The following MEGF9 variants were observed in gnomAD, a reference collection of about 807,000 sequenced individuals.
MEGF9 encodes multiple epidermal growth factor-like domains protein 9.
MEGF9 carries 6 observed loss-of-function variants against 46.8 expected under a neutral mutation model. The observed-to-expected ratio is 0.13, with a 90% CI of 0.07 to 0.25. MEGF9 has a LOEUF of 0.25. Among genes scored for constraint, MEGF9 ranks in the 10% least tolerant of loss-of-function variants. The pLI is 1.00. For synonymous variants in MEGF9, 302 were observed against 330.7 expected, an observed-to-expected ratio of 0.91 and a Z score of 0.94; for missense variants, 683 against 792.4, an observed-to-expected ratio of 0.86 and a Z score of 1.66.
chr9:120,637,830 T>A (rs562451776), intron 2 of MEGF9, among the ~76,000 whole-genome samples: 62 of 147,980 alleles, frequency 4.2e-4, no homozygotes, highest in Non-Finnish European at 1.0e-4. Context: ...ACTACATTAT[T>A]TGATAGTTTC....
intron 2 of MEGF9, among the ~76,000 whole-genome samples, chr9:120,635,647 G>A (rs2043570915): frequency 6.6e-6 from 1 of 151,726 alleles, no homozygotes; most frequent in African/African-American, 2.4e-5. Context: ...GAATTCTTCA[G>A]TTGCAGGATT....
At chr9:120,689,928 G>A (rs376249058) in intron 1 of MEGF9, 8 of 530,884 alleles carry the variant, frequency 1.5e-5, no homozygotes, top group East Asian at 5.5e-5. Context: ...TTTTCTACCC[G>A]TTTTAACAGC....
At chr9:120,613,222 A>C (rs2043456722) in intron 3 of MEGF9, among the ~76,000 whole-genome samples, 1 of 152,194 alleles carries the variant, frequency 6.6e-6, no homozygotes, top group African/African-American at 2.4e-5. Flanking sequence ...TTAAAATTTA[A>C]AAACCACACT....
In MEGF9 at chr9:120,713,752, A is replaced by T. The variant is rs755219533; in HGVS notation, c.601+6T>A. The T allele has an allele frequency of 2.3e-5, 29 of 1,286,988 alleles. No individual in the cohort carries two copies. The highest frequency in any genetic ancestry group is 2.7e-5 in the Non-Finnish European group (27 of 1,017,850). 79.7% of individuals were successfully genotyped at this position (1,286,988 alleles called of 1,614,324 possible). On this transcript the variant is annotated splice_donor_region_variant and intron_variant, in intron 1 of 5. Transcript: ENST00000373930. ...GGTCCTGCCCGAGAGGGAGCGCCGG[A>T]CTCACCTGGAGGAGGCGAAGAGGGG...
intron 2 of MEGF9, among the ~76,000 whole-genome samples, chr9:120,650,437 C>T (rs1174906154): frequency 6.6e-6 from 1 of 152,080 alleles, no homozygotes; most frequent in South Asian, 2.1e-4. Context: ...AGATACTGTA[C>T]ACCAACTCCT....
intron 1 of MEGF9, among the ~76,000 whole-genome samples, chr9:120,694,949 T>C (rs748817940): frequency 6.8e-5 from 10 of 147,236 alleles, no homozygotes; most frequent in Admixed American, 3.4e-4. Flanking sequence ...TAATTTACTA[T>C]TTAGGGGTAT....
At chr9:120,695,600 T>C (rs1360720640) in intron 1 of MEGF9, among the ~76,000 whole-genome samples, 3 of 64,364 alleles carry the variant, frequency 4.7e-5, no homozygotes, top group African/African-American at 2.8e-4. Context: ...TGAGACCCCA[T>C]CTCAAAAAAA....
At chr9:120,693,320 GAA>G (rs2043859760) in intron 1 of MEGF9, among the ~76,000 whole-genome samples, 2 of 142,926 alleles carry the variant, frequency 1.4e-5, no homozygotes, top group African/African-American at 5.0e-5. Context: ...GAAGAAAAAG[GAA>G]AAAGAGGATG....
chr9:120,639,532 A>AAAG (rs1488303662), intron 2 of MEGF9, among the ~76,000 whole-genome samples: 2 of 151,042 alleles, frequency 1.3e-5, no homozygotes, highest in African/African-American at 2.4e-5. Flanking sequence ...AAAAAAAAAA[A>AAAG]AGATAGGAAC....
chr9:120,653,374 A>ATT (rs755931608), intron 2 of MEGF9, among the ~76,000 whole-genome samples: 5 of 139,174 alleles, frequency 3.6e-5, no homozygotes, highest in South Asian at 2.2e-4. Context: ...TATTTATTTT[A>ATT]TTTATTTTTT....
intron 1 of MEGF9, among the ~76,000 whole-genome samples, chr9:120,683,098 T>C (rs1216956459): frequency 6.6e-6 from 1 of 152,130 alleles, no homozygotes; most frequent in African/African-American, 2.4e-5. Context: ...AACTGCAGTC[T>C]AAAGAGTCTG....
intron 1 of MEGF9, among the ~76,000 whole-genome samples, chr9:120,684,963 T>C (rs1046805052): frequency 2.0e-5 from 3 of 151,862 alleles, no homozygotes; most frequent in African/African-American, 7.3e-5. Context: ...GCTTCCTGAG[T>C]AGTTGGGACT....
At chr9:120,701,548 T>C (rs987199254) in intron 1 of MEGF9, among the ~76,000 whole-genome samples, 1 of 152,170 alleles carries the variant, frequency 6.6e-6, no homozygotes, top group African/African-American at 2.4e-5. Flanking sequence ...ATTACCAGTA[T>C]AACAGCAATC....
chr9:120,613,099 A>C (rs781514591), intron 3 of MEGF9, among the ~76,000 whole-genome samples: 4 of 152,138 alleles, frequency 2.6e-5, no homozygotes, highest in Non-Finnish European at 5.9e-5. Flanking sequence ...GGCCTCCCAA[A>C]GTTTTGGGAT....
intron 1 of MEGF9, among the ~76,000 whole-genome samples, chr9:120,682,601 A>G (rs950243826): frequency 1.3e-5 from 2 of 152,118 alleles, no homozygotes; most frequent in African/African-American, 4.8e-5. Context: ...GCACACACAT[A>G]TATTTGAAAC....
rs1393271765 is a variant in MEGF9, at chr9:120,709,039, C to T, written c.601+4719G>A. On this transcript the variant is annotated intron_variant, in intron 1 of 5. Transcript: ENST00000373930. ...AGTACCCCATCCAGAAGGAATGAGG[C>T]AACTGCCCTCTCTGCTACAAGCTGG... 2.6e-5 allele frequency among the ~76,000 whole-genome samples: 4 copies of T among 152,300 alleles called. No homozygotes were observed. In the East Asian group the frequency reaches 7.7e-4, roughly 29 times the overall value.
At chr9:120,708,666 C>G (rs1210944266) in intron 1 of MEGF9, among the ~76,000 whole-genome samples, 1 of 152,156 alleles carries the variant, frequency 6.6e-6, no homozygotes, top group African/African-American at 2.4e-5. Flanking sequence ...ATTTATTCTG[C>G]CCTATGAGGT....
At chr9:120,621,780 T>C (rs1008360672) in intron 3 of MEGF9, among the ~76,000 whole-genome samples, 7 of 152,128 alleles carry the variant, frequency 4.6e-5, no homozygotes, top group Admixed American at 3.3e-4. Flanking sequence ...TTTCATCTGT[T>C]AGGCAGATAT....
intron 1 of MEGF9, among the ~76,000 whole-genome samples, chr9:120,687,998 G>C (rs1039752230): frequency 2.0e-5 from 3 of 151,958 alleles, no homozygotes; most frequent in Non-Finnish European, 4.4e-5. Context: ...CCATTGGTTA[G>C]CATTTCTCAT....
Sources: gnomAD v4.1 joint callset for allele counts (sites outside exome capture counted in the v4.1 genomes callset) on GRCh38, gnomAD v4.1.1 for gene constraint, MANE v1.5 for transcripts, NCBI Gene and HGNC (gene_info 2026-07-23, HGNC 2026-07-21) for gene names.